The following PDE10A variants were observed in gnomAD, a reference collection of about 807,000 sequenced individuals.
PDE10A encodes phosphodiesterase 10A.
Under a neutral mutation model 97.7 loss-of-function variants are expected in PDE10A, and 39 were observed. That is an observed-to-expected ratio of 0.40 (90% CI 0.31 to 0.52). The LOEUF is 0.52. Among genes scored for constraint, PDE10A ranks in the 20% least tolerant of loss-of-function variants. The probability of loss-of-function intolerance (pLI) is 0.56; values close to 1 mark genes in which losing one functional copy is unlikely to be tolerated. For missense variants in PDE10A, 731 were observed against 1,047.8 expected (o/e 0.70, Z 4.17); for synonymous variants, 371 against 376.8 (o/e 0.98, Z 0.18).
rs997613665 is a variant in PDE10A at position 165,625,406 on chromosome 6, C to T, written c.865+36541G>A. On this transcript the variant is annotated intron_variant, in intron 1 of 21. Coordinates refer to ENST00000539869, the MANE Select transcript of PDE10A (RefSeq NM_001385079.1). ...TGAGGTGTGATACTAAGAGTGGAGC[C>T]AAGAATGACCTCAAAGACTTGGACC... 2.6e-4 allele frequency among the ~76,000 whole-genome samples: 40 copies of T among 152,320 alleles called. 1 individual carries two copies. The highest frequency in any genetic ancestry group is 9.4e-4 in the African/African-American group (39 of 41,580).
intron 1 of PDE10A, chr6:165,718,339 TA>T (rs1035475966): frequency 1.4e-4 from 21 of 152,316 alleles, no homozygotes; most frequent in Admixed American, 9.8e-4. Context: ...GAGCGAGCAC[TA>T]AAAGAAAATT....
intron 3 of PDE10A, among the ~76,000 whole-genome samples, chr6:165,451,125 C>A (rs987520429): frequency 3.3e-5 from 5 of 152,132 alleles, no homozygotes; most frequent in Non-Finnish European, 7.4e-5. Context: ...ATGGCTCCAC[C>A]TTGGTCTGCT....
intron 1 of PDE10A, among the ~76,000 whole-genome samples, chr6:165,899,708 G>C (rs1448687109): frequency 6.6e-6 from 1 of 152,206 alleles, no homozygotes; most frequent in African/African-American, 2.4e-5. Context: ...ACCCGAAGCT[G>C]TGTGCGCTGG....
chr6:165,517,448 C>G (rs1282722907), intron 2 of PDE10A, among the ~76,000 whole-genome samples: 2 of 152,228 alleles, frequency 1.3e-5, no homozygotes, highest in East Asian at 1.9e-4. Flanking sequence ...ATCTCTCATT[C>G]TAAAGTATTA....
chr6:165,610,043 T>A (rs143601903), intron 1 of PDE10A, among the ~76,000 whole-genome samples: 2,030 of 152,074 alleles, frequency 0.013, 48 homozygotes, highest in African/African-American at 0.047. Flanking sequence ...AAGAGCCCGC[T>A]TTGCCAAGTC....
intron 1 of PDE10A, among the ~76,000 whole-genome samples, chr6:165,741,183 T>A (rs945280566): frequency 1.3e-5 from 2 of 152,174 alleles, no homozygotes; most frequent in Admixed American, 1.3e-4. Context: ...TTAATAAGCT[T>A]GACTGCGGTA....
chr6:165,750,769 G>C (rs578255326), intron 1 of PDE10A, among the ~76,000 whole-genome samples: 1 of 152,032 alleles, frequency 6.6e-6, no homozygotes, highest in South Asian at 2.1e-4. Flanking sequence ...ACTCACCTCT[G>C]AGATTCAAAT....
chr6:165,553,884 C>T (rs1317034571), intron 1 of PDE10A, among the ~76,000 whole-genome samples: 2 of 152,034 alleles, frequency 1.3e-5, no homozygotes, highest in African/African-American at 4.8e-5. Context: ...AGCTTAAACC[C>T]ACCAAAATTT....
At chr6:165,841,297 G>A (rs535905950) in intron 1 of PDE10A, among the ~76,000 whole-genome samples, 8 of 152,312 alleles carry the variant, frequency 5.3e-5, no homozygotes, top group East Asian at 1.9e-4. Context: ...TACCCACTTC[G>A]CCACACCAAA....
chr6:165,734,007 T>C (rs1228277712), intron 1 of PDE10A, among the ~76,000 whole-genome samples: 4 of 152,118 alleles, frequency 2.6e-5, no homozygotes, highest in African/African-American at 9.7e-5. Flanking sequence ...GCTTCATGTG[T>C]GTGCACGATG....
At chr6:165,443,149 G>A (rs1790597743) in intron 5 of PDE10A, among the ~76,000 whole-genome samples, 1 of 144,308 alleles carries the variant, frequency 6.9e-6, no homozygotes, top group African/African-American at 2.6e-5. Flanking sequence ...CAAGTCTAAA[G>A]TCTCATCTGA....
intron 1 of PDE10A, among the ~76,000 whole-genome samples, chr6:165,636,594 C>T (rs1315722340): frequency 6.6e-6 from 1 of 152,204 alleles, no homozygotes; most frequent in African/African-American, 2.4e-5. Context: ...TCCCCAAGAA[C>T]AGCTGCTGTC....
At chr6:165,737,878 T>C (rs1792617994) in intron 1 of PDE10A, among the ~76,000 whole-genome samples, 1 of 152,214 alleles carries the variant, frequency 6.6e-6, no homozygotes, top group African/African-American at 2.4e-5. Context: ...TTTCTACAGA[T>C]GACTTGATTT....
intron 1 of PDE10A, among the ~76,000 whole-genome samples, chr6:165,650,562 T>G (rs1789631777): frequency 6.6e-6 from 1 of 152,228 alleles, no homozygotes; most frequent in African/African-American, 2.4e-5. Flanking sequence ...TCGAAGATCT[T>G]CTGGACATTC....
rs1419144396 is a variant in PDE10A, at chr6:165,608,054, A to ATATATATGTATATATATATG, written c.865+53873_865+53892dup. ...CTAATGCAAGTATTGCTTTTCTTGTATATATATGTATATATATATGTATAT... is the reference window on the plus strand; with the variant it reads ...CTAATGCAAGTATTGCTTTTCTTGTATATATATGTATATATATATGTATATATGTATATATATATGTATAT... On this transcript the variant is annotated intron_variant, in intron 1 of 21. Coordinates refer to ENST00000539869, the MANE Select transcript of PDE10A (RefSeq NM_001385079.1). 4.1e-5 allele frequency among the ~76,000 whole-genome samples: 6 copies of ATATATATGTATATATATATG among 148,090 alleles called. No homozygotes were observed. The South Asian group carries it at 1.1e-3, about 26-fold the overall frequency.
chr6:165,902,423 C>T lies in PDE10A; in HGVS notation c.-615+85106G>A, dbSNP rs181703096. Among the ~76,000 whole-genome samples the T allele has an allele frequency of 1.6e-4, 24 of 152,310 alleles. No individual in the cohort carries two copies. In the East Asian group the frequency reaches 4.1e-3, roughly 26 times the overall value. On this transcript the variant is annotated intron_variant, in intron 1 of 19. Transcript: ENST00000366882. The stretch of plus-strand genomic sequence containing the variant: ...ATGATCAGCTGACTGTTTTTTATCC[C>T]AATTGGTGGGTTGCTTTTGGCATCA...
At chr6:165,751,572 C>A (rs1219511391) in intron 1 of PDE10A, among the ~76,000 whole-genome samples, 2 of 152,102 alleles carry the variant, frequency 1.3e-5, no homozygotes, top group African/African-American at 4.8e-5. Flanking sequence ...AGGAGACTGG[C>A]AGGACTTCTT....
At chr6:165,829,673 C>G (rs1215467809) in intron 1 of PDE10A, among the ~76,000 whole-genome samples, 1 of 152,226 alleles carries the variant, frequency 6.6e-6, no homozygotes, top group Non-Finnish European at 1.5e-5. Flanking sequence ...AACTGCCGGT[C>G]CCATCTAACC....
intron 1 of PDE10A, among the ~76,000 whole-genome samples, chr6:165,632,660 T>TCC (rs1416125570): frequency 6.6e-6 from 1 of 152,196 alleles, no homozygotes; most frequent in Non-Finnish European, 1.5e-5. Flanking sequence ...AATTGGTAAA[T>TCC]CTTGGTCAGC....
Sources: allele counts gnomAD v4.1 joint callset (sites outside exome capture counted in the v4.1 genomes callset), GRCh38; gene constraint gnomAD v4.1.1; transcripts MANE v1.5; gene names NCBI Gene and HGNC (gene_info 2026-07-23, HGNC 2026-07-21).